Variants in RSU1 observed in about 807,000 individuals in gnomAD.
RSU1 encodes rsu-1.
In RSU1, 26 loss-of-function variants were observed where a neutral mutation model predicts 31.1. The observed-to-expected ratio is 0.84, with a 90% confidence interval of 0.61 to 1.16. RSU1 has a LOEUF of 1.16. Ranked by LOEUF, RSU1 falls within the 50% of genes most tolerant of loss-of-function variation. RSU1 has a pLI of 0.00. For synonymous variants in RSU1, 164 were observed against 136.3 expected (o/e 1.20, Z -1.41); for missense variants, 320 against 339.1 (o/e 0.94, Z 0.44).
At chr10:16,761,747 T>C (rs1420817389) in intron 4 of RSU1, among the ~76,000 whole-genome samples, 1 of 152,008 alleles carries the variant, frequency 6.6e-6, no homozygotes, top group East Asian at 1.9e-4. Context: ...TCCCAGCTAC[T>C]TGGGAGGCTG....
chr10:16,630,554 T>C (rs1834230042), intron 8 of RSU1, among the ~76,000 whole-genome samples: 1 of 152,202 alleles, frequency 6.6e-6, no homozygotes, highest in African/African-American at 2.4e-5. Context: ...AATGGAACTG[T>C]TGATGGGAAG....
At chr10:16,627,820 C>A (rs1038730613) in intron 8 of RSU1, among the ~76,000 whole-genome samples, 3 of 150,992 alleles carry the variant, frequency 2.0e-5, no homozygotes, top group African/African-American at 7.3e-5. Flanking sequence ...CGGAGTCCAG[C>A]ACATATAGAA....
At chr10:16,784,239 T>G (rs61843971) in intron 2 of RSU1, among the ~76,000 whole-genome samples, 17,609 of 151,884 alleles carry the variant, frequency 0.12, 1,456 homozygotes, top group East Asian at 0.23. Context: ...ACAGCACCAT[T>G]CTTGCTTGAT....
chr10:16,601,294 C>T (rs183749242), intron 8 of RSU1, among the ~76,000 whole-genome samples: 12 of 152,250 alleles, frequency 7.9e-5, no homozygotes, highest in Middle Eastern at 3.4e-3. Context: ...TTTTGGTCAC[C>T]ATATTAATCA....
Position 16,695,167 on chromosome 10 carries a change from GAAAAAA to G in RSU1, c.599-18_599-13del, listed in dbSNP as rs1554767079. ...TAAATCCAAGTTTCCTGGGGGGGGG[GAAAAAA>G]AAAGTGAAGGTCACTTCATCCAATA... On this transcript the variant is annotated splice_polypyrimidine_tract_variant and intron_variant, in intron 7 of 8. Transcript: ENST00000345264. The G allele has an allele frequency of 2.3e-6, 3 of 1,321,968 alleles. No homozygotes were observed. Among genetic ancestry groups the G allele is most frequent in the Middle Eastern group, 4.0e-4 (2 of 4,948 alleles). 81.9% of individuals were successfully genotyped at this position (1,321,968 alleles called of 1,614,324 possible).
chr10:16,704,409 C>T (rs1184298519), intron 7 of RSU1, among the ~76,000 whole-genome samples: 1 of 152,214 alleles, frequency 6.6e-6, no homozygotes. Context: ...AGGATTCATA[C>T]TCAAGGTCAT....
chr10:16,676,043 AGAAAAGCCAG>A (rs1835224515), intron 8 of RSU1, among the ~76,000 whole-genome samples: 1 of 152,256 alleles, frequency 6.6e-6, no homozygotes, highest in Non-Finnish European at 1.5e-5. Flanking sequence ...TGATGAGCCA[AGAAAAGCCAG>A]GAGTCCATCC....
At chr10:16,672,517 G>A (rs2131539805) in intron 8 of RSU1, among the ~76,000 whole-genome samples, 1 of 152,116 alleles carries the variant, frequency 6.6e-6, no homozygotes, top group Middle Eastern at 3.4e-3. Context: ...TCCACACAAT[G>A]GACTACAAAT....
chr10:16,699,866 G>T (rs1320216174), intron 7 of RSU1, among the ~76,000 whole-genome samples: 4 of 152,204 alleles, frequency 2.6e-5, no homozygotes, highest in African/African-American at 9.6e-5. Context: ...GGCTTATTCT[G>T]CAATTGCAAA....
intron 2 of RSU1, among the ~76,000 whole-genome samples, chr10:16,815,791 T>C (rs754927265): frequency 5.9e-5 from 9 of 151,948 alleles, no homozygotes; most frequent in Non-Finnish European, 7.4e-5. Flanking sequence ...ACGGATAAGG[T>C]TTTACACAGG....
At chr10:16,645,329 C>T (rs1167060861) in intron 8 of RSU1, among the ~76,000 whole-genome samples, 1 of 151,890 alleles carries the variant, frequency 6.6e-6, no homozygotes, top group East Asian at 1.9e-4. Context: ...TGCATGTTTC[C>T]CAAAAGCTCA....
intron 7 of RSU1, among the ~76,000 whole-genome samples, chr10:16,733,490 A>G (rs937571637): frequency 1.3e-5 from 2 of 152,122 alleles, no homozygotes; most frequent in Admixed American, 6.6e-5. Context: ...CTTGGGTGAC[A>G]GAGTGAGACT....
intron 5 of RSU1, among the ~76,000 whole-genome samples, chr10:16,753,596 A>G (rs1157405131): frequency 6.6e-6 from 1 of 152,262 alleles, no homozygotes; most frequent in East Asian, 1.9e-4. Context: ...TAAAATAATG[A>G]CATGAAGTTA....
At chr10:16,778,753 G>A (rs938090103) in intron 3 of RSU1, among the ~76,000 whole-genome samples, 2 of 152,090 alleles carry the variant, frequency 1.3e-5, no homozygotes, top group Non-Finnish European at 2.9e-5. Flanking sequence ...GGCTACGGGG[G>A]GACAGAAGAT....
intron 2 of RSU1, among the ~76,000 whole-genome samples, chr10:16,786,722 C>T (rs1051226764): frequency 1.3e-5 from 2 of 152,132 alleles, no homozygotes; most frequent in African/African-American, 4.8e-5. Flanking sequence ...TCTCCCTTCC[C>T]GTATTTGTAA....
intron 7 of RSU1, among the ~76,000 whole-genome samples, chr10:16,703,566 CATAATT>C (rs1262300470): frequency 2.1e-4 from 32 of 151,972 alleles, no homozygotes; most frequent in South Asian, 4.2e-4. Flanking sequence ...GGGGTTGGTT[CATAATT>C]ATGAGACACT....
chr10:16,695,041 C>G lies in RSU1; in HGVS notation c.713G>C (p.Arg238Pro), dbSNP rs372364335. The change falls in exon 8 of 9, where the codon CGT becomes CCT. Residue 238 changes from arginine (R) to proline (P), a missense_variant. By Grantham distance (103) the Arg-to-Pro change is moderately radical (BLOSUM62 -2). Transcript: ENST00000345264. ...TACTTACTATTTGTATGTCTCAGAA[C>G]GGATATACTCAAAAACATGGGACAC... ...LGVSHVFEYIRSETYKYLYGR... is the reference protein window; with the variant it reads ...LGVSHVFEYIPSETYKYLYGR... 1.9e-6 allele frequency: 3 copies of G among 1,612,394 alleles called. No individual in the cohort carries two copies. The Admixed American group carries it at 5.0e-5, about 27-fold the overall frequency.
intron 3 of RSU1, among the ~76,000 whole-genome samples, chr10:16,771,595 C>G (rs188133113): frequency 2.6e-5 from 4 of 152,230 alleles, no homozygotes; most frequent in Admixed American, 2.0e-4. Flanking sequence ...TTCTTCAGCA[C>G]TTTATATGCC....
At chr10:16,730,969 G>A (rs1395242732) in intron 7 of RSU1, among the ~76,000 whole-genome samples, 2 of 151,930 alleles carry the variant, frequency 1.3e-5, no homozygotes, top group African/African-American at 4.8e-5. Flanking sequence ...GATTATAGAT[G>A]CCCGCCACCA....
Sources: gnomAD v4.1 joint callset for allele counts (sites outside exome capture counted in the v4.1 genomes callset) on GRCh38, gnomAD v4.1.1 for gene constraint, MANE v1.5 for transcripts, NCBI Gene and HGNC (gene_info 2026-07-23, HGNC 2026-07-21) for gene names.